Variants in NRG3 observed in about 807,000 individuals in gnomAD.
The protein encoded by NRG3 is neuregulin 3.
NRG3 carries 31 observed loss-of-function variants against 66.9 expected under a neutral mutation model. That is an observed-to-expected ratio of 0.46 (90% CI 0.35 to 0.63). The LOEUF (loss-of-function observed/expected upper bound fraction) is 0.63. Among genes scored for constraint, NRG3 ranks in the 20% least tolerant of loss-of-function variants. The pLI is 0.00. For synonymous variants in NRG3, 393 were observed against 359.4 expected, an observed-to-expected ratio of 1.09 and a Z score of -1.06; for missense variants, 910 against 878.9, an observed-to-expected ratio of 1.04 and a Z score of -0.45.
At chr10:82,077,119 A>G (rs368957291) in intron 1 of NRG3, among the ~76,000 whole-genome samples, 2 of 152,242 alleles carry the variant, frequency 1.3e-5, no homozygotes, top group South Asian at 2.1e-4. Context: ...TCCATTTAAT[A>G]AGTCAAAATA....
intron 2 of NRG3, among the ~76,000 whole-genome samples, chr10:82,415,458 CAAG>C (rs1250974312): frequency 1.3e-5 from 2 of 152,094 alleles, no homozygotes; most frequent in Non-Finnish European, 2.9e-5. Flanking sequence ...GAAAAATACA[CAAG>C]AAGGAGTCTT....
At chr10:82,250,337 C>T (rs968205000) in intron 1 of NRG3, among the ~76,000 whole-genome samples, 2 of 152,136 alleles carry the variant, frequency 1.3e-5, no homozygotes, top group African/African-American at 2.4e-5. Flanking sequence ...AAGATGTATA[C>T]ACTTTGGGAG....
rs576437486 is a variant in NRG3, at chr10:82,985,081, C to A, written c.1584-17C>A. 2.7e-5 allele frequency: 44 copies of A among 1,609,852 alleles called. 1 individual carries two copies. In the East Asian group the frequency reaches 4.2e-4, roughly 15 times the overall value. Reference sequence around the variant, plus strand: ...CTGGTAGAAAGCAGAAGGAGTAACACTGTGTTTCTTTTTCAGGTATTCATC... The same window carrying A: ...CTGGTAGAAAGCAGAAGGAGTAACAATGTGTTTCTTTTTCAGGTATTCATC... On this transcript the variant is annotated splice_polypyrimidine_tract_variant and intron_variant, in intron 8 of 8. Transcript: ENST00000372141.
chr10:82,837,748 G>A (rs2062850479), intron 3 of NRG3, among the ~76,000 whole-genome samples: 1 of 152,126 alleles, frequency 6.6e-6, no homozygotes, highest in African/African-American at 2.4e-5. Flanking sequence ...TTGAGAAAAA[G>A]AACAGGAGTT....
rs1380449688 is a variant in NRG3, at chr10:82,986,621, G to A, written c.*1016G>A. The A allele has an allele frequency of 1.3e-5, 2 of 152,166 alleles. No homozygotes were observed. Among genetic ancestry groups the A allele is most frequent in the Non-Finnish European group, 2.9e-5 (2 of 68,032 alleles). The allele number at this position is 152,166 out of a possible 1,614,324, so 9.4% of individuals were successfully genotyped here. On this transcript the variant is annotated 3_prime_UTR_variant, in exon 9 of 9. Coordinates refer to ENST00000372141, the MANE Select transcript of NRG3 (RefSeq NM_001010848.4). ...AAATCAAGGTCACTTGCATGGTGGG[G>A]TCGTATAAAACTCTTGACACTGTCT...
chr10:82,228,999 A>G (rs1295740681), intron 1 of NRG3: 1 of 152,242 alleles, frequency 6.6e-6, no homozygotes, highest in Non-Finnish European at 1.5e-5. Context: ...CCTGAGTGAC[A>G]TCTCTCTCTC....
chr10:82,942,284 T>C (rs1848644475), intron 4 of NRG3, among the ~76,000 whole-genome samples: 2 of 152,222 alleles, frequency 1.3e-5, no homozygotes, highest in Admixed American at 1.3e-4. Context: ...GGGGAAATAG[T>C]GTAACAAGAA....
At chr10:81,896,009 A>G (rs1027120898) in intron 1 of NRG3, among the ~76,000 whole-genome samples, 11 of 152,156 alleles carry the variant, frequency 7.2e-5, no homozygotes, top group African/African-American at 2.7e-4. Flanking sequence ...TGGGAGCTAA[A>G]TTTTATCTTA....
At chr10:82,686,306 A>G (rs1054663186) in intron 2 of NRG3, among the ~76,000 whole-genome samples, 13 of 151,418 alleles carry the variant, frequency 8.6e-5, no homozygotes, top group African/African-American at 2.4e-4. Context: ...TCCTGCCTCA[A>G]CCTCCCGAGT....
intron 4 of NRG3, among the ~76,000 whole-genome samples, chr10:82,904,437 T>C (rs1402283274): frequency 1.3e-5 from 2 of 152,118 alleles, no homozygotes; most frequent in Non-Finnish European, 1.5e-5. Context: ...AAATGAGACA[T>C]GGAGGATGAG....
chr10:82,487,739 A>C (rs1842798220), intron 2 of NRG3, among the ~76,000 whole-genome samples: 1 of 152,372 alleles, frequency 6.6e-6, no homozygotes, highest in Admixed American at 6.5e-5. Context: ...AGACAAACAG[A>C]TCAGATATAG....
intron 1 of NRG3, among the ~76,000 whole-genome samples, chr10:82,222,031 T>G (rs1212090125): frequency 1.3e-5 from 2 of 151,932 alleles, no homozygotes; most frequent in Non-Finnish European, 2.9e-5. Context: ...CCTTTCTTCT[T>G]GTAAGTGTTA....
chr10:82,025,418 T>G lies in NRG3; in HGVS notation c.823+149255T>G, dbSNP rs182391510. ...CATGTGTTCTACTTTGGAACATGAG[T>G]AATTTATAATATTTTTTCTTATAAA... On this transcript the variant is annotated intron_variant, in intron 1 of 8. Coordinates refer to ENST00000372141, the MANE Select transcript of NRG3 (RefSeq NM_001010848.4). Among the ~76,000 whole-genome samples the G allele has an allele frequency of 2.5e-3, 377 of 151,932 alleles. 1 individual carries two copies. The highest frequency in any genetic ancestry group is 0.021 in the Middle Eastern group (6 of 292).
rs993821864 is a variant in NRG3 at position 82,394,295 on chromosome 10, G to A, written c.953+35427G>A. ...TTTACAAAGCAGGACTACGATGAGC[G>A]GGCACCCGCGAGGCTTGAGATGTGC... is the stretch of plus-strand genomic sequence containing the variant. On this transcript the variant is annotated intron_variant, in intron 2 of 8. Coordinates refer to ENST00000372141, the MANE Select transcript of NRG3 (RefSeq NM_001010848.4). 4.6e-5 allele frequency among the ~76,000 whole-genome samples: 7 copies of A among 152,308 alleles called. No individual in the cohort carries two copies. The East Asian group carries it at 7.7e-4, about 17-fold the overall frequency.
chr10:82,955,992 C>T (rs2132410128), intron 5 of NRG3, among the ~76,000 whole-genome samples: 1 of 151,978 alleles, frequency 6.6e-6, no homozygotes, highest in East Asian at 1.9e-4. Context: ...GAGACTGTAT[C>T]ACATTCCAAC....
intron 1 of NRG3, among the ~76,000 whole-genome samples, chr10:82,057,232 T>TA (rs2063889588): frequency 6.6e-6 from 1 of 152,214 alleles, no homozygotes; most frequent in African/African-American, 2.4e-5. Flanking sequence ...TTTTTAACGT[T>TA]ACATTTTTCA....
At chr10:81,998,224 T>C (rs781071826) in intron 1 of NRG3, among the ~76,000 whole-genome samples, 61 of 152,256 alleles carry the variant, frequency 4.0e-4, no homozygotes, top group Non-Finnish European at 7.9e-4. Flanking sequence ...TGTCTTCTGC[T>C]TATCAAACAG....
intron 6 of NRG3, among the ~76,000 whole-genome samples, chr10:82,966,585 CA>C (rs1851228341): frequency 6.6e-6 from 1 of 152,108 alleles, no homozygotes; most frequent in African/African-American, 2.4e-5. Flanking sequence ...TCTCCTTTTG[CA>C]TAGAATACTC....
rs1844989068 is a variant in NRG3 at position 81,910,143 on chromosome 10, A to G, written c.823+33980A>G. Among the ~76,000 whole-genome samples the G allele has an allele frequency of 2.0e-5, 3 of 152,320 alleles. No individual in the cohort carries two copies. The South Asian group carries it at 6.2e-4, about 32-fold the overall frequency. On this transcript the variant is annotated intron_variant, in intron 1 of 8. Coordinates refer to ENST00000372141, the MANE Select transcript of NRG3 (RefSeq NM_001010848.4). ...GCATTTTAAGGTCAAAATTTACCCTAGAATCCTGTAGAATCAGTGGCTGTG... is the reference window on the plus strand; with the variant it reads ...GCATTTTAAGGTCAAAATTTACCCTGGAATCCTGTAGAATCAGTGGCTGTG...
Sources: allele counts gnomAD v4.1 joint callset (sites outside exome capture counted in the v4.1 genomes callset), GRCh38; gene constraint gnomAD v4.1.1; transcripts MANE v1.5; gene names NCBI Gene and HGNC (gene_info 2026-07-23, HGNC 2026-07-21).